GRIA2: variants seen among roughly 807,000 people sequenced by gnomAD.
The protein encoded by GRIA2 is glutamate ionotropic receptor AMPA type subunit 2, also known as glutamate receptor 2.
A neutral mutation model predicts 97.3 loss-of-function variants in GRIA2; 14 were observed. The ratio of observed to expected loss-of-function variants is 0.14; its 90% CI spans 0.10 to 0.23. The LOEUF (loss-of-function observed/expected upper bound fraction) is 0.23, where lower values mean the gene tolerates loss of function less well. Ranked by LOEUF, GRIA2 falls within the 10% of genes least tolerant of loss-of-function variation. GRIA2 has a pLI of 1.00. For missense variants in GRIA2, 558 were observed against 1,069.8 expected (o/e 0.52, Z 6.67); for synonymous variants, 412 against 387.8 (o/e 1.06, Z -0.73).
At chr4:157,334,366 C>T (rs1482883570) in intron 9 of GRIA2, 1 of 373,068 alleles carries the variant, frequency 2.7e-6, no homozygotes, top group South Asian at 3.3e-5. Flanking sequence ...GTGCTTACAT[C>T]GGTGAACAAT....
intron 4 of GRIA2, 34 bp from the exon 5 acceptor site, chr4:157,317,624 A>G (rs755045993): frequency 1.3e-6 from 1 of 787,420 alleles, no homozygotes; most frequent in Non-Finnish European, 2.2e-6. Flanking sequence ...CATTATTTGT[A>G]TTAATTAAAT....
At chr4:157,277,496 C>A (rs1489343851) in intron 2 of GRIA2, among the ~76,000 whole-genome samples, 3 of 151,744 alleles carry the variant, frequency 2.0e-5, no homozygotes, top group Admixed American at 2.0e-4. Context: ...TCTTTCACCA[C>A]TTCTTTTCAA....
chr4:157,280,290 A>G (rs1732536077), intron 2 of GRIA2, among the ~76,000 whole-genome samples: 1 of 152,138 alleles, frequency 6.6e-6, no homozygotes, highest in Non-Finnish European at 1.5e-5. Flanking sequence ...TTGAAGAGTC[A>G]CAGGAAAAGT....
At chr4:157,240,585 C>T (rs965330207) in intron 2 of GRIA2, among the ~76,000 whole-genome samples, 5 of 152,004 alleles carry the variant, frequency 3.3e-5, no homozygotes, top group Admixed American at 2.0e-4. Flanking sequence ...TTGCACTGCC[C>T]GTCAACTGGG....
intron 2 of GRIA2, among the ~76,000 whole-genome samples, chr4:157,265,832 GT>G: frequency 6.6e-6 from 1 of 152,094 alleles, no homozygotes; most frequent in Admixed American, 6.6e-5. Flanking sequence ...ACTTTGGGTA[GT>G]TTTAAGCAGC....
rs117207412 is a variant in GRIA2 at position 157,260,425 on chromosome 4, C to T, written c.229+38618C>T. On this transcript the variant is annotated intron_variant, in intron 2 of 15. Transcript: ENST00000264426. The stretch of plus-strand genomic sequence containing the variant: ...ATATTTTATGCTATTATTTAGGAAC[C>T]CAGATTCTGCCATCTGAAGCACTTT... 9.2e-5 allele frequency among the ~76,000 whole-genome samples: 14 copies of T among 152,170 alleles called. No homozygotes were observed. In the East Asian group the frequency reaches 2.7e-3, roughly 29 times the overall value.
chr4:157,222,895 A>G (rs1424508302), intron 2 of GRIA2, among the ~76,000 whole-genome samples: 2 of 152,218 alleles, frequency 1.3e-5, no homozygotes, highest in African/African-American at 4.8e-5. Context: ...GTGGGCAGGC[A>G]GTCGCGGCCA....
intron 2 of GRIA2, among the ~76,000 whole-genome samples, chr4:157,254,925 T>A (rs2126751272): frequency 6.6e-6 from 1 of 152,162 alleles, no homozygotes; most frequent in African/African-American, 2.4e-5. Context: ...ATAGTGCACA[T>A]AGTTTTAAAA....
intron 6 of GRIA2, among the ~76,000 whole-genome samples, chr4:157,323,711 ATG>A (rs151044265): frequency 5.1e-4 from 77 of 152,274 alleles, no homozygotes; most frequent in African/African-American, 1.7e-3. Flanking sequence ...ATTCAAGTTA[ATG>A]TGTCTTGCAT....
chr4:157,336,568 T>A lies in GRIA2; in HGVS notation c.1665T>A (p.Ile555=), dbSNP rs140398850. ...GGATGTGCATTGTTTTTGCCTACATTGGGGTCAGTGTAGTTTTATTCCTGG... is the reference window on the plus strand; with the variant it reads ...GGATGTGCATTGTTTTTGCCTACATAGGGGTCAGTGTAGTTTTATTCCTGG... The part of the protein sequence containing the change: ...EIWMCIVFAY[I]GVSVVLFLVS... The change falls in exon 11 of 16, where the codon ATT becomes ATA. Residue 555 remains isoleucine (I), a synonymous_variant. Transcript: ENST00000264426. 2.3e-5 allele frequency: 37 copies of A among 1,613,408 alleles called. No individual in the cohort carries two copies. The African/African-American group carries it at 4.3e-4, about 19-fold the overall frequency.
chr4:157,305,772 T>C (rs1733815393), intron 3 of GRIA2, among the ~76,000 whole-genome samples: 2 of 152,146 alleles, frequency 1.3e-5, no homozygotes, highest in South Asian at 4.1e-4. Flanking sequence ...CTTAGGACAA[T>C]TTATAATGAA....
chr4:157,284,855 A>G (rs1264337685), intron 2 of GRIA2, among the ~76,000 whole-genome samples: 3 of 151,554 alleles, frequency 2.0e-5, no homozygotes, highest in Non-Finnish European at 4.4e-5. Context: ...TGGTTTGTGG[A>G]TGGGTGTTTT....
At chr4:157,308,494 A>G (rs1294366416) in intron 3 of GRIA2, among the ~76,000 whole-genome samples, 3 of 137,736 alleles carry the variant, frequency 2.2e-5, no homozygotes, top group Non-Finnish European at 4.8e-5. Context: ...AGGAGGAATA[A>G]TCTTCCAGAT....
intron 2 of GRIA2, among the ~76,000 whole-genome samples, chr4:157,294,589 G>C (rs1733257456): frequency 6.6e-6 from 1 of 152,138 alleles, no homozygotes; most frequent in Admixed American, 6.6e-5. Context: ...TTTAATCCTT[G>C]AAATTTATTG....
intron 2 of GRIA2, among the ~76,000 whole-genome samples, chr4:157,298,961 A>C (rs1733489820): frequency 6.6e-6 from 1 of 152,094 alleles, no homozygotes; most frequent in Non-Finnish European, 1.5e-5. Flanking sequence ...AAGAGAAAAC[A>C]ATTGGAAGAC....
In GRIA2 at chr4:157,299,451, G is replaced by A. The variant is rs534650020; in HGVS notation, c.230-4101G>A. Among the ~76,000 whole-genome samples the A allele has an allele frequency of 4.6e-5, 7 of 152,248 alleles. No homozygotes were observed. In the South Asian group the frequency reaches 1.2e-3, roughly 27 times the overall value. The stretch of plus-strand genomic sequence containing the variant: ...AAGCAGACTATGCTGATTCATTGAA[G>A]TGAATCTCAACTTATAAATCTAAAA... On this transcript the variant is annotated intron_variant, in intron 2 of 15. Transcript: ENST00000264426.
At chr4:157,293,886 A>G (rs999555621) in intron 2 of GRIA2, among the ~76,000 whole-genome samples, 2 of 152,150 alleles carry the variant, frequency 1.3e-5, no homozygotes, top group African/African-American at 4.8e-5. Context: ...TGAGTCCATT[A>G]TGCTAAAGAT....
At chr4:157,221,506 C>T (rs759251598) in intron 1 of GRIA2, 161 bp from the exon 2 acceptor site, 12 of 732,454 alleles carry the variant, frequency 1.6e-5, no homozygotes, top group Non-Finnish European at 2.7e-5. Context: ...CCTTGGCTAG[C>T]TTTTGGATAT....
rs181909172 is a variant in GRIA2 at position 157,331,959 on chromosome 4, C to T, written c.883-860C>T. ...TACTGCATTTTTTTCTCCCAAGCTTCGCCGTACTCTTAGTACCTACAGATT... is the reference window on the plus strand; with the variant it reads ...TACTGCATTTTTTTCTCCCAAGCTTTGCCGTACTCTTAGTACCTACAGATT... On this transcript the variant is annotated intron_variant, in intron 6 of 15. Transcript: ENST00000264426. Among the ~76,000 whole-genome samples the T allele has an allele frequency of 6.6e-5, 10 of 152,096 alleles. No individual in the cohort carries two copies. In the East Asian group the frequency reaches 7.8e-4, roughly 12 times the overall value.
Sources: gnomAD v4.1 joint callset for allele counts (sites outside exome capture counted in the v4.1 genomes callset) on GRCh38, gnomAD v4.1.1 for gene constraint, MANE v1.5 for transcripts, NCBI Gene and HGNC (gene_info 2026-07-23, HGNC 2026-07-21) for gene names.